Variants in PDE8A observed in about 807,000 individuals in gnomAD.
PDE8A encodes phosphodiesterase 8A.
A neutral mutation model predicts 105.0 loss-of-function variants in PDE8A; 59 were observed. The ratio of observed to expected loss-of-function variants is 0.56; its 90% CI spans 0.46 to 0.70. PDE8A has a LOEUF of 0.70. PDE8A is among the 30% of genes least tolerant of loss of function. The pLI is 0.00. For synonymous variants in PDE8A, 355 were observed against 371.9 expected, an observed-to-expected ratio of 0.95 and a Z score of 0.52; for missense variants, 1,014 against 1,045.9, an observed-to-expected ratio of 0.97 and a Z score of 0.42.
At chr15:85,023,162 T>C (rs1181457608) in intron 1 of PDE8A, among the ~76,000 whole-genome samples, 2 of 152,158 alleles carry the variant, frequency 1.3e-5, no homozygotes, top group Non-Finnish European at 2.9e-5. Context: ...CTTTGTGAAA[T>C]AGGAGTGAGA....
rs1003902872 is a variant in PDE8A, at chr15:84,982,432, C to T, written c.186+84C>T. 6 of 841,268 alleles carry T rather than the reference C, an allele frequency of 7.1e-6. No individual in the cohort carries two copies. The African/African-American group carries it at 8.9e-5, about 13-fold the overall frequency. The allele number at this position is 841,268 out of a possible 1,614,324, so 52.1% of individuals were successfully genotyped here. On this transcript the variant is annotated intron_variant, in intron 1 of 21. Coordinates refer to ENST00000394553, the MANE Select transcript of PDE8A (RefSeq NM_002605.3). Reference sequence around the variant, plus strand: ...CTTTCCCGCAGGGGCCGGGCGGGGTCCCCCCCACCCGGCCTCGGTGCCCTC... The same window carrying T: ...CTTTCCCGCAGGGGCCGGGCGGGGTTCCCCCCACCCGGCCTCGGTGCCCTC...
At chr15:85,067,529 T>G (rs143674320) in intron 3 of PDE8A, among the ~76,000 whole-genome samples, 36 of 152,218 alleles carry the variant, frequency 2.4e-4, no homozygotes, top group African/African-American at 7.2e-4. Flanking sequence ...TTCAAAGTTT[T>G]AAAAATTTTG....
chr15:85,100,814 G>A (rs542624829), intron 11 of PDE8A, among the ~76,000 whole-genome samples: 48 of 152,288 alleles, frequency 3.2e-4, no homozygotes, highest in African/African-American at 9.1e-4. Context: ...GAGGTGCTCC[G>A]TCAAGTGTCT....
At chr15:85,050,380 AATC>A (rs1484365214) in intron 1 of PDE8A, among the ~76,000 whole-genome samples, 1 of 152,154 alleles carries the variant, frequency 6.6e-6, no homozygotes, top group Non-Finnish European at 1.5e-5. Flanking sequence ...TACCCAAAAA[AATC>A]ATTGCCAAGT....
intron 1 of PDE8A, among the ~76,000 whole-genome samples, chr15:85,013,891 A>G (rs1229755497): frequency 6.6e-6 from 1 of 152,134 alleles, no homozygotes; most frequent in Non-Finnish European, 1.5e-5. Flanking sequence ...GGTTTGAGGA[A>G]AGGCCCAATT....
At chr15:85,004,642 A>G (rs1301985436) in intron 1 of PDE8A, among the ~76,000 whole-genome samples, 1 of 152,198 alleles carries the variant, frequency 6.6e-6, no homozygotes, top group Non-Finnish European at 1.5e-5. Flanking sequence ...ATCCTGGCTG[A>G]TACAACCAAT....
At chr15:85,072,812 T>G (rs187685345) in intron 3 of PDE8A, among the ~76,000 whole-genome samples, 4 of 152,168 alleles carry the variant, frequency 2.6e-5, no homozygotes, top group African/African-American at 9.7e-5. Flanking sequence ...GTAGCATGCT[T>G]TTAAGACTTT....
chr15:85,134,631 G>T (rs2082378112), intron 20 of PDE8A, among the ~76,000 whole-genome samples: 1 of 152,184 alleles, frequency 6.6e-6, no homozygotes, highest in Admixed American at 6.5e-5. Context: ...CCACAGTCTA[G>T]CACTGTTCAC....
chr15:85,109,674 A>G (rs1350472038), intron 12 of PDE8A, among the ~76,000 whole-genome samples: 1 of 152,236 alleles, frequency 6.6e-6, no homozygotes, highest in Non-Finnish European at 1.5e-5. Context: ...CTAGCTGTAT[A>G]CATTCTTTGG....
At chr15:85,018,161 T>C (rs2141347453) in intron 1 of PDE8A, among the ~76,000 whole-genome samples, 1 of 152,218 alleles carries the variant, frequency 6.6e-6, no homozygotes, top group South Asian at 2.1e-4. Flanking sequence ...TTCAGAGAAG[T>C]AGTTTGGATT....
Position 85,123,489 on chromosome 15 carries a change from A to G in PDE8A, c.2085+296A>G, listed in dbSNP as rs538031453. On this transcript the variant is annotated intron_variant, in intron 19 of 21. Coordinates refer to ENST00000394553, the MANE Select transcript of PDE8A (RefSeq NM_002605.3). ...GAGCCAGTCTGAGTCCCAAAACTGGAGAACTTGGAGTCTGATGTTCAAGGG... is the reference window on the plus strand; with the variant it reads ...GAGCCAGTCTGAGTCCCAAAACTGGGGAACTTGGAGTCTGATGTTCAAGGG... 2.9e-4 allele frequency among the ~76,000 whole-genome samples: 44 copies of G among 152,258 alleles called. No individual in the cohort carries two copies. In the South Asian group the frequency reaches 3.1e-3, roughly 11 times the overall value.
In PDE8A at chr15:85,122,059, A is replaced by T. The variant is rs376502971; in HGVS notation, c.1953-1002A>T. Among the ~76,000 whole-genome samples the T allele has an allele frequency of 3.9e-5, 6 of 152,132 alleles. No individual in the cohort carries two copies. The East Asian group carries it at 9.6e-4, about 24-fold the overall frequency. ...TCCACTCTGCCCTCCTGTGCTCAGC[A>T]TACATCTCCTTGGCATTGTCTCTGT... On this transcript the variant is annotated intron_variant, in intron 18 of 21. Coordinates refer to ENST00000394553, the MANE Select transcript of PDE8A (RefSeq NM_002605.3).
intron 1 of PDE8A, among the ~76,000 whole-genome samples, chr15:85,041,210 C>G (rs553235521): frequency 6.6e-6 from 1 of 152,170 alleles, no homozygotes; most frequent in African/African-American, 2.4e-5. Context: ...GGAAAAAATA[C>G]GATTCATTAC....
intron 1 of PDE8A, among the ~76,000 whole-genome samples, chr15:85,048,283 G>T (rs971959582): frequency 1.3e-5 from 2 of 151,346 alleles, no homozygotes; most frequent in Non-Finnish European, 3.0e-5. Flanking sequence ...ATATTTTAAG[G>T]GTTTTTTTCT....
At chr15:85,021,101 C>T (rs2080418546) in intron 1 of PDE8A, among the ~76,000 whole-genome samples, 1 of 152,036 alleles carries the variant, frequency 6.6e-6, no homozygotes, top group African/African-American at 2.4e-5. Flanking sequence ...GGGATTAGTT[C>T]CCTTAAAAAA....
At chr15:85,104,589 C>A (rs530391370) in intron 11 of PDE8A, among the ~76,000 whole-genome samples, 2 of 152,110 alleles carry the variant, frequency 1.3e-5, no homozygotes, top group Non-Finnish European at 1.5e-5. Flanking sequence ...GATTTGGGAA[C>A]CAGCTTACTG....
chr15:84,989,736 A>T (rs2079856865), intron 1 of PDE8A, among the ~76,000 whole-genome samples: 1 of 152,210 alleles, frequency 6.6e-6, no homozygotes, highest in Admixed American at 6.5e-5. Context: ...GCATGTAAGG[A>T]TTGACCATTT....
chr15:85,125,286 A>G (rs1448394915), intron 19 of PDE8A, among the ~76,000 whole-genome samples: 4 of 152,042 alleles, frequency 2.6e-5, no homozygotes, highest in Non-Finnish European at 5.9e-5. Flanking sequence ...TATATGACTA[A>G]CTCCTTTGGA....
Position 84,998,891 on chromosome 15 carries a change from G to T in PDE8A, c.186+16543G>T, listed in dbSNP as rs75751401. 3.9e-5 allele frequency among the ~76,000 whole-genome samples: 6 copies of T among 152,254 alleles called. No individual in the cohort carries two copies. The East Asian group carries it at 1.2e-3, about 29-fold the overall frequency. ...ACAGAACACCTCTATGGAGATAATT[G>T]ATAGTTGACTATATGAGCAAACATA... On this transcript the variant is annotated intron_variant, in intron 1 of 21. Transcript: ENST00000394553.
Sources: gnomAD v4.1 joint callset for allele counts (sites outside exome capture counted in the v4.1 genomes callset) on GRCh38, gnomAD v4.1.1 for gene constraint, MANE v1.5 for transcripts, NCBI Gene and HGNC (gene_info 2026-07-23, HGNC 2026-07-21) for gene names.